Variants in TTPA observed in about 807,000 individuals in gnomAD.
TTPA encodes the protein alpha-tocopherol transfer protein.
Under a neutral mutation model 25.9 loss-of-function variants are expected in TTPA, and 23 were observed. The ratio of observed to expected loss-of-function variants is 0.89; its 90% CI spans 0.64 to 1.26. The LOEUF (loss-of-function observed/expected upper bound fraction) is 1.26. TTPA is among the 50% of genes most tolerant of loss of function. TTPA has a pLI of 0.00. For synonymous variants in TTPA, 148 were observed against 137.3 expected (o/e 1.08, Z -0.54); for missense variants, 337 against 353.1 (o/e 0.95, Z 0.37).
chr8:63,083,635 T>TAA (rs11294384), intron 1 of TTPA, among the ~76,000 whole-genome samples: 12 of 138,520 alleles, frequency 8.7e-5, no homozygotes, highest in African/African-American at 2.9e-4. Flanking sequence ...TAAAGTATAA[T>TAA]AAAAAAAAAA....
chr8:63,075,867 A>T (rs1202135896), intron 1 of TTPA, among the ~76,000 whole-genome samples: 1 of 152,160 alleles, frequency 6.6e-6, no homozygotes, highest in Non-Finnish European at 1.5e-5. Flanking sequence ...AATCTATGGA[A>T]TTTGGAAAGC....
At chr8:63,072,844 A>G (rs1805503047) in intron 2 of TTPA, 91 bp downstream of exon 2, 1 of 1,471,392 alleles carries the variant, frequency 6.8e-7, no homozygotes, top group Admixed American at 1.8e-5. Flanking sequence ...GTATTCAAGG[A>G]AGAAATGGAA....
intron 2 of TTPA, among the ~76,000 whole-genome samples, chr8:63,071,963 C>A (rs559614378): frequency 1.3e-5 from 2 of 152,044 alleles, no homozygotes; most frequent in African/African-American, 2.4e-5. Context: ...ACTAGCTACA[C>A]CTAATAGAAA....
intron 2 of TTPA, among the ~76,000 whole-genome samples, chr8:63,070,479 T>C (rs1206957768): frequency 1.3e-5 from 2 of 152,180 alleles, no homozygotes; most frequent in African/African-American, 4.8e-5. Context: ...AAAGTTTTCA[T>C]TTTACTCATA....
At chr8:63,071,265 C>T (rs967615898) in intron 2 of TTPA, among the ~76,000 whole-genome samples, 9 of 152,182 alleles carry the variant, frequency 5.9e-5, no homozygotes, top group African/African-American at 1.9e-4. Flanking sequence ...AATCATTTTA[C>T]TCGATCTTCC....
intron 1 of TTPA, among the ~76,000 whole-genome samples, chr8:63,082,186 C>A (rs1343974826): frequency 6.6e-6 from 1 of 152,158 alleles, no homozygotes; most frequent in Non-Finnish European, 1.5e-5. Flanking sequence ...ATTGCCAAGA[C>A]AATCCTAAGC....
At chr8:63,067,271 G>A (rs1805407977) in intron 2 of TTPA, among the ~76,000 whole-genome samples, 1 of 152,044 alleles carries the variant, frequency 6.6e-6, no homozygotes, top group Non-Finnish European at 1.5e-5. Context: ...TCAAGTTGAA[G>A]AATTCTCTCA....
intron 1 of TTPA, among the ~76,000 whole-genome samples, chr8:63,076,777 C>G (rs1444266085): frequency 6.6e-6 from 1 of 152,032 alleles, no homozygotes; most frequent in Admixed American, 6.6e-5. Context: ...CTTCATAGGA[C>G]CTGAGATTGT....
At chr8:63,059,032 T>TG (rs1217620327), downstream of TTPA, among the ~76,000 whole-genome samples, 5 of 124,936 alleles carry the variant, frequency 4.0e-5, no homozygotes, top group African/African-American at 1.3e-4. Flanking sequence ...TTTTTTTTTT[T>TG]TTTTTTTTTT....
At position 63,074,230 on chromosome 8, in the gene TTPA, T is replaced by G. The variant is rs1213109261; in HGVS notation, c.205-1142A>C. 3.9e-5 allele frequency among the ~76,000 whole-genome samples: 6 copies of G among 152,166 alleles called. No individual in the cohort carries two copies. The East Asian group carries it at 7.7e-4, about 20-fold the overall frequency. On this transcript the variant is annotated intron_variant, in intron 1 of 4. Transcript: ENST00000260116. Reference sequence around the variant, plus strand: ...AAACGACAAAAACTAGAGAGGGAAATGCTGAGCCTTGGGAAATGTTAATGG... The same window carrying G: ...AAACGACAAAAACTAGAGAGGGAAAGGCTGAGCCTTGGGAAATGTTAATGG...
intron 1 of TTPA, among the ~76,000 whole-genome samples, chr8:63,080,732 A>T (rs4481586): frequency 0.17 from 22,846 of 137,274 alleles, 2,105 homozygotes; most frequent in East Asian, 0.29. Flanking sequence ...AAAAAAAAAA[A>T]AAATAAATAA....
intron 2 of TTPA, among the ~76,000 whole-genome samples, chr8:63,067,740 G>T (rs79716194): frequency 0.082 from 12,476 of 152,054 alleles, 943 homozygotes; most frequent in East Asian, 0.42. Context: ...TACCCAATAG[G>T]AAGTTTTTCA....
At chr8:63,078,720 C>T (rs1805611822) in intron 1 of TTPA, among the ~76,000 whole-genome samples, 2 of 152,142 alleles carry the variant, frequency 1.3e-5, no homozygotes, top group African/African-American at 4.8e-5. Flanking sequence ...GATAGGTGTA[C>T]CTGAAAGTGA....
At chr8:63,082,424 A>T (rs921409550) in intron 1 of TTPA, among the ~76,000 whole-genome samples, 2 of 152,220 alleles carry the variant, frequency 1.3e-5, no homozygotes, top group African/African-American at 2.4e-5. Context: ...GGCGCTGGGA[A>T]AACTGGCTAG....
chr8:63,073,114 A>G, intron 1 of TTPA, 26 bp from the exon 2 acceptor site: 4 of 1,564,284 alleles, frequency 2.6e-6, no homozygotes, highest in Non-Finnish European at 3.5e-6. Context: ...AAAATTGTCT[A>G]CAAATGGCAT....
Position 63,066,692 on chromosome 8 carries a change from C to T in TTPA, c.359-595G>A, listed in dbSNP as rs1030163628. 3.3e-5 allele frequency among the ~76,000 whole-genome samples: 5 copies of T among 152,158 alleles called. No individual in the cohort carries two copies. In the South Asian group the frequency reaches 8.3e-4, roughly 25 times the overall value. On this transcript the variant is annotated intron_variant, in intron 2 of 4. Coordinates refer to ENST00000260116, the MANE Select transcript of TTPA (RefSeq NM_000370.3). ...TGCTAAGACAGGAGTTACTGAGATTCTTGTTCACTCATCTCATCCCTTCCC... is the reference window on the plus strand; with the variant it reads ...TGCTAAGACAGGAGTTACTGAGATTTTTGTTCACTCATCTCATCCCTTCCC...
chr8:63,076,617 T>C (rs1361696453), intron 1 of TTPA, among the ~76,000 whole-genome samples: 2 of 152,150 alleles, frequency 1.3e-5, no homozygotes, highest in Admixed American at 1.3e-4. Context: ...AAAAAATATA[T>C]TATGTCCCAG....
intron 2 of TTPA, among the ~76,000 whole-genome samples, chr8:63,068,940 A>G (rs1023113731): frequency 3.9e-5 from 6 of 152,166 alleles, no homozygotes; most frequent in African/African-American, 1.4e-4. Context: ...AGATCACTTG[A>G]GGCCAGGAGT....
chr8:63,079,686 T>G (rs999795676), intron 1 of TTPA, among the ~76,000 whole-genome samples: 5 of 152,150 alleles, frequency 3.3e-5, no homozygotes, highest in Non-Finnish European at 7.4e-5. Context: ...CTTAGAGACC[T>G]ACAAAGAGAC....
Sources: allele counts gnomAD v4.1 joint callset (sites outside exome capture counted in the v4.1 genomes callset), GRCh38; gene constraint gnomAD v4.1.1; transcripts MANE v1.5; gene names NCBI Gene and HGNC (gene_info 2026-07-23, HGNC 2026-07-21).